Variants in SLCO2A1 observed in about 807,000 individuals in gnomAD.
SLCO2A1 encodes solute carrier organic anion transporter family member 2A1.
SLCO2A1 carries 60 observed loss-of-function variants against 71.7 expected under a neutral mutation model. That is an observed-to-expected ratio of 0.84 (90% CI 0.68 to 1.04). The LOEUF (loss-of-function observed/expected upper bound fraction) is 1.04. SLCO2A1 is among the 50% of genes least tolerant of loss of function. The probability of loss-of-function intolerance (pLI) is 0.00; values close to 1 mark genes in which losing one functional copy is unlikely to be tolerated. For missense variants in SLCO2A1, 745 were observed against 813.4 expected (o/e 0.92, Z 1.02); for synonymous variants, 308 against 326.7 (o/e 0.94, Z 0.62).
intron 2 of SLCO2A1, among the ~76,000 whole-genome samples, chr3:133,975,952 C>T (rs746865314): frequency 4.7e-4 from 71 of 152,186 alleles, no homozygotes; most frequent in Non-Finnish European, 8.1e-4. Flanking sequence ...GTTTTATTTC[C>T]ATAAATACTA....
chr3:133,940,666 T>C (rs113633477), intron 11 of SLCO2A1, among the ~76,000 whole-genome samples: 55 of 152,292 alleles, frequency 3.6e-4, no homozygotes, highest in African/African-American at 1.3e-3. Flanking sequence ...GGAAGCCCGC[T>C]GAAGAGTCTC....
chr3:133,951,047 C>T, intron 6 of SLCO2A1, 161 bp downstream of exon 6: 1 of 910,114 alleles, frequency 1.1e-6, no homozygotes, highest in South Asian at 1.4e-5. Flanking sequence ...CCAACACCCT[C>T]ACCTCTTAAA....
At chr3:133,962,332 G>A (rs150537769) in intron 3 of SLCO2A1, among the ~76,000 whole-genome samples, 2,300 of 152,130 alleles carry the variant, frequency 0.015, 60 homozygotes, top group African/African-American at 0.05. Flanking sequence ...CACCCTCCTC[G>A]GCCTCCCAAA....
chr3:133,986,958 A>T (rs919901504), intron 1 of SLCO2A1, among the ~76,000 whole-genome samples: 4 of 152,202 alleles, frequency 2.6e-5, no homozygotes, highest in African/African-American at 9.7e-5. Flanking sequence ...AACCGTGGTT[A>T]TAGGAACACC....
intron 1 of SLCO2A1, among the ~76,000 whole-genome samples, chr3:133,985,884 C>T (rs1204548214): frequency 6.6e-6 from 1 of 152,202 alleles, no homozygotes; most frequent in East Asian, 1.9e-4. Flanking sequence ...TATACATTTG[C>T]CCCTTTGGTG....
At chr3:133,961,044 C>A (rs191253690) in intron 3 of SLCO2A1, among the ~76,000 whole-genome samples, 4 of 151,950 alleles carry the variant, frequency 2.6e-5, no homozygotes, top group African/African-American at 4.8e-5. Flanking sequence ...CCCTGGAGGA[C>A]TTGTGCATGA....
At chr3:133,958,170 C>T (rs540327690) in intron 3 of SLCO2A1, among the ~76,000 whole-genome samples, 5 of 152,278 alleles carry the variant, frequency 3.3e-5, no homozygotes, top group Non-Finnish European at 7.4e-5. Context: ...CCTGCAGATC[C>T]CAGGGTGAGG....
intron 2 of SLCO2A1, among the ~76,000 whole-genome samples, chr3:133,979,220 G>A (rs948294506): frequency 3.3e-5 from 5 of 152,252 alleles, no homozygotes; most frequent in Middle Eastern, 3.2e-3. Context: ...CATAGTACCT[G>A]CTGGCAAGGC....
Position 133,955,107 on chromosome 3 carries a change from G to A in SLCO2A1, c.484C>T (p.Pro162Ser), listed in dbSNP as rs140769111. 4 of 1,614,192 alleles carry A rather than the reference G, an allele frequency of 2.5e-6. No homozygotes were observed. Among genetic ancestry groups the A allele is most frequent in the Non-Finnish European group, 3.4e-6 (4 of 1,180,032 alleles). Residue 162 changes from proline (P) to serine (S), a missense_variant, in exon 4 of 14, where the codon CCC (proline) becomes TCC (serine). By Grantham distance (74) the Pro-to-Ser change is moderately conservative. Transcript: ENST00000310926. ...CACATGCTGCTGGTCTCCTTCTGGGGGTTCTGGGTGGTGCTGTGGCACTTA... is the reference window on the plus strand; with the variant it reads ...CACATGCTGCTGGTCTCCTTCTGGGAGTTCTGGGTGGTGCTGTGGCACTTA... ...PSKCHSTTQNPQKETSSMWGL... is the reference protein window; with the variant it reads ...PSKCHSTTQNSQKETSSMWGL...
At chr3:133,948,002 A>C (rs1933630304) in intron 8 of SLCO2A1, among the ~76,000 whole-genome samples, 1 of 152,148 alleles carries the variant, frequency 6.6e-6, no homozygotes, top group East Asian at 1.9e-4. Context: ...AGTTGAAAAA[A>C]TACTACTGCT....
chr3:133,977,257 A>T (rs191608316), intron 2 of SLCO2A1, among the ~76,000 whole-genome samples: 4 of 152,374 alleles, frequency 2.6e-5, no homozygotes, highest in Admixed American at 2.0e-4. Context: ...CATGAGCTGA[A>T]TTCAGATTCT....
chr3:133,963,832 TCTC>T (rs1474482701), intron 3 of SLCO2A1, among the ~76,000 whole-genome samples: 3 of 148,576 alleles, frequency 2.0e-5, no homozygotes, highest in African/African-American at 7.8e-5. Context: ...TATTTCCTCA[TCTC>T]CTAAATTCAG....
intron 10 of SLCO2A1, among the ~76,000 whole-genome samples, chr3:133,944,103 T>C (rs1037537586): frequency 1.3e-5 from 2 of 152,202 alleles, no homozygotes; most frequent in African/African-American, 4.8e-5. Context: ...AGTACATTCA[T>C]GCCCTTGGGA....
intron 1 of SLCO2A1, among the ~76,000 whole-genome samples, chr3:134,005,627 G>A (rs4305419): frequency 1.4e-4 from 21 of 151,764 alleles, no homozygotes; most frequent in Admixed American, 1.1e-3. Context: ...GACTACAGGC[G>A]CCTGCCACCA....
intron 9 of SLCO2A1, among the ~76,000 whole-genome samples, chr3:133,946,123 G>A (rs2108040966): frequency 6.6e-6 from 1 of 152,046 alleles, no homozygotes; most frequent in East Asian, 1.9e-4. Context: ...TCCACAGTCA[G>A]CCTGCAGAAG....
intron 11 of SLCO2A1, among the ~76,000 whole-genome samples, chr3:133,940,352 C>T (rs1329605236): frequency 3.9e-5 from 6 of 152,136 alleles, no homozygotes; most frequent in African/African-American, 9.7e-5. Flanking sequence ...ATCTTTAAAT[C>T]GTTGTGGGAT....
intron 8 of SLCO2A1, among the ~76,000 whole-genome samples, chr3:133,948,159 A>G (rs192072422): frequency 1.0e-3 from 159 of 152,282 alleles, no homozygotes; most frequent in African/African-American, 3.5e-3. Context: ...AAATATACTC[A>G]GGTCCCTAGG....
intron 11 of SLCO2A1, among the ~76,000 whole-genome samples, chr3:133,941,674 C>T (rs4999681): frequency 0.19 from 28,311 of 151,984 alleles, 3,218 homozygotes; most frequent in Non-Finnish European, 0.25. Context: ...CCAGCTGTAA[C>T]GGGACACCCC....
intron 2 of SLCO2A1, among the ~76,000 whole-genome samples, chr3:133,977,028 A>G (rs1934476118): frequency 6.6e-6 from 1 of 151,718 alleles, no homozygotes; most frequent in Non-Finnish European, 1.5e-5. Context: ...TTCACCGCAC[A>G]CTCCACCACC....
Sources: allele counts gnomAD v4.1 joint callset (sites outside exome capture counted in the v4.1 genomes callset), GRCh38; gene constraint gnomAD v4.1.1; transcripts MANE v1.5; gene names NCBI Gene and HGNC (gene_info 2026-07-23, HGNC 2026-07-21).